Variants in CHD2 observed in about 807,000 individuals in gnomAD.
CHD2 encodes chromodomain helicase DNA binding protein 2.
In CHD2, 28 loss-of-function variants were observed where a neutral mutation model predicts 243.9. The ratio of observed to expected loss-of-function variants is 0.11; its 90% CI spans 0.09 to 0.16. The LOEUF (loss-of-function observed/expected upper bound fraction) is 0.16. Ranked by LOEUF, CHD2 falls within the 10% of genes least tolerant of loss-of-function variation. The pLI is 1.00. For missense variants in CHD2, 1,386 were observed against 2,209.8 expected (o/e 0.63, Z 7.47); for synonymous variants, 775 against 779.0 (o/e 0.99, Z 0.09).
intron 5 of CHD2, among the ~76,000 whole-genome samples, chr15:92,933,928 A>G (rs2053221005): frequency 6.6e-6 from 1 of 152,170 alleles, no homozygotes; most frequent in Non-Finnish European, 1.5e-5. Flanking sequence ...TTTGAATTGG[A>G]GATTGTCACA....
At chr15:93,017,382 G>A (rs2054476074) in intron 37 of CHD2, among the ~76,000 whole-genome samples, 1 of 151,916 alleles carries the variant, frequency 6.6e-6, no homozygotes. Flanking sequence ...GAGTGTAGCG[G>A]CGGCACGATC....
chr15:92,904,489 A>T (rs2052581936), intron 2 of CHD2: 1 of 989,678 alleles, frequency 1.0e-6, no homozygotes, highest in African/African-American at 1.7e-5. Flanking sequence ...CCGCACGCCG[A>T]GGGGAAAAGG....
At chr15:92,904,427 CGTCTGGCCGCGTGCGCAT>C in intron 2 of CHD2, 1 of 985,618 alleles carries the variant, frequency 1.0e-6, no homozygotes. Flanking sequence ...AACGCAGTGA[CGTCTGGCCGCGTGCGCAT>C]GTCGGGCGCT....
rs1451257283 is a variant in CHD2 at position 92,971,944 on chromosome 15, A to G, written c.2352+17A>G. Reference sequence around the variant, plus strand: ...ATTCTTCTGGTAGGTAGTTCCTCATAATTACTTTCTCAAAAAAAACGCTTA... The same window carrying G: ...ATTCTTCTGGTAGGTAGTTCCTCATGATTACTTTCTCAAAAAAAACGCTTA... On this transcript the variant is annotated intron_variant, in intron 18 of 38. Coordinates refer to ENST00000394196, the MANE Select transcript of CHD2 (RefSeq NM_001271.4). 2 of 1,590,834 alleles carry G rather than the reference A, an allele frequency of 1.3e-6. No individual in the cohort carries two copies. Among genetic ancestry groups the G allele is most frequent in the African/African-American group, 2.7e-5 (2 of 73,468 alleles).
chr15:93,014,786 T>C lies in CHD2; in HGVS notation c.4783T>C (p.Ser1595Pro). The change falls in exon 37 of 39, where the codon TCC becomes CCC. Residue 1595 changes from serine to proline, a missense_variant. Ser to Pro is a moderately conservative substitution (Grantham distance 74). Coordinates refer to ENST00000394196, the MANE Select transcript of CHD2 (RefSeq NM_001271.4). ...GSSRDSLISQ[S>P]HTSHNLHPQK... The stretch of plus-strand genomic sequence containing the variant: ...CAGCCGGGACTCTCTGATATCTCAG[T>C]CCCATACCTCACACAACCTTCACCC... 6.2e-7 allele frequency: 1 copy of C among 1,614,104 alleles called. No homozygotes were observed. Among genetic ancestry groups the C allele is most frequent in the Non-Finnish European group, 8.5e-7 (1 of 1,180,008 alleles).
Position 93,024,524 on chromosome 15 carries a change from A to C in CHD2, c.5306A>C (p.Lys1769Thr), listed in dbSNP as rs1262949405. The change falls in exon 39 of 39, where the codon AAA (lysine) becomes ACA (threonine). Residue 1769 changes from lysine to threonine, a missense_variant. This residue lies in a region of CHD2 where 347 missense variants were observed against 341.6 expected (regional missense o/e 1.02). Transcript: ENST00000394196. ...CATTACCGCTCTTTCCACACAGATA[A>C]ACTGGGGGAATATAAACAGCCTCTA... ...SDHYRSFHTD[K>T]LGEYKQPLPP... The C allele has an allele frequency of 6.2e-7, 1 of 1,614,020 alleles. No homozygotes were observed. Among genetic ancestry groups the C allele is most frequent in the Non-Finnish European group, 8.5e-7 (1 of 1,180,036 alleles).
At chr15:92,988,538 A>G (rs2054074402) in intron 26 of CHD2, among the ~76,000 whole-genome samples, 1 of 152,170 alleles carries the variant, frequency 6.6e-6, no homozygotes, top group African/African-American at 2.4e-5. Context: ...TGTCTGCCCA[A>G]AGGACTCTCT....
intron 2 of CHD2, among the ~76,000 whole-genome samples, chr15:92,915,728 A>G (rs1180705742): frequency 1.3e-5 from 2 of 152,200 alleles, no homozygotes; most frequent in African/African-American, 4.8e-5. Flanking sequence ...TGATATTGTG[A>G]AAGGAAAATA....
chr15:93,016,285 C>A (rs7175070), intron 37 of CHD2, among the ~76,000 whole-genome samples: 1 of 152,046 alleles, frequency 6.6e-6, no homozygotes, highest in Non-Finnish European at 1.5e-5. Flanking sequence ...TTCTCACTTA[C>A]GTATGGAATC....
chr15:93,002,079 A>G, intron 32 of CHD2, 98 bp from the exon 33 acceptor site: 1 of 1,464,752 alleles, frequency 6.8e-7, no homozygotes, highest in Non-Finnish European at 9.1e-7. Flanking sequence ...AAGTATAGAC[A>G]GTGATGAACC....
chr15:92,969,145 TG>T (rs1471271345), intron 17 of CHD2, among the ~76,000 whole-genome samples: 1 of 152,264 alleles, frequency 6.6e-6, no homozygotes, highest in African/African-American at 2.4e-5. Context: ...AGTGCTATTT[TG>T]GGTGTTGATT....
intron 7 of CHD2, among the ~76,000 whole-genome samples, chr15:92,940,970 A>C (rs1385710358): frequency 1.9e-4 from 6 of 31,412 alleles, no homozygotes; most frequent in Admixed American, 5.4e-4. Flanking sequence ...TATAAATATA[A>C]ATATAAATAT....
chr15:92,962,262 G>GA (rs1427772031), intron 16 of CHD2, among the ~76,000 whole-genome samples: 1 of 151,798 alleles, frequency 6.6e-6, no homozygotes, highest in Non-Finnish European at 1.5e-5. Flanking sequence ...TTTCTCTTAA[G>GA]ATACAGTTTA....
intron 10 of CHD2, 122 bp from the exon 11 acceptor site, chr15:92,945,696 ATTT>A (rs113903945): frequency 6.3e-6 from 3 of 476,202 alleles, no homozygotes; most frequent in Admixed American, 4.3e-5. Context: ...CTATAATCCC[ATTT>A]TTTTTTTTTC....
chr15:92,960,949 C>T (rs953882952), intron 16 of CHD2, among the ~76,000 whole-genome samples: 4 of 151,868 alleles, frequency 2.6e-5, no homozygotes, highest in Admixed American at 2.0e-4. Flanking sequence ...AACTCCTGGC[C>T]GTAAGTGATC....
chr15:92,955,398 T>G, intron 14 of CHD2, 25 bp from the exon 15 acceptor site: 2 of 1,432,098 alleles, frequency 1.4e-6, no homozygotes, highest in Non-Finnish European at 1.9e-6. Context: ...AGAAATTATG[T>G]CTTAATTATG....
chr15:93,007,860 A>T (rs1280416641), intron 34 of CHD2, among the ~76,000 whole-genome samples: 2 of 152,124 alleles, frequency 1.3e-5, no homozygotes, highest in African/African-American at 4.8e-5. Flanking sequence ...ATTTCTTTCC[A>T]AGATCTTTTT....
chr15:92,967,250 AT>A, intron 16 of CHD2, 74 bp from the exon 17 acceptor site: 3 of 1,083,782 alleles, frequency 2.8e-6, no homozygotes, highest in Non-Finnish European at 3.9e-6. Flanking sequence ...GGAAAGATTC[AT>A]TTTTTTACAG....
At chr15:92,937,698 C>A in intron 6 of CHD2, 73 bp downstream of exon 6, 2 of 1,122,178 alleles carry the variant, frequency 1.8e-6, no homozygotes, top group Non-Finnish European at 1.3e-6. Flanking sequence ...TAATGTCGTG[C>A]TGAAATGAGA....
Sources: allele counts gnomAD v4.1 joint callset (sites outside exome capture counted in the v4.1 genomes callset), GRCh38; gene constraint gnomAD v4.1.1; regional missense constraint gnomAD v4.1.1; transcripts MANE v1.5; gene names NCBI Gene and HGNC (gene_info 2026-07-23, HGNC 2026-07-21).